The following IMMP2L variants were observed in gnomAD, a reference collection of about 807,000 sequenced individuals.
IMMP2L encodes the protein inner mitochondrial membrane peptidase subunit 2.
IMMP2L carries 18 observed loss-of-function variants against 19.3 expected under a neutral mutation model. The ratio of observed to expected loss-of-function variants is 0.93; its 90% CI spans 0.64 to 1.38. The LOEUF (loss-of-function observed/expected upper bound fraction) is 1.38, where lower values mean the gene tolerates loss of function less well. IMMP2L is among the 40% of genes most tolerant of loss of function. The pLI is 0.00. For synonymous variants in IMMP2L, 76 were observed against 73.0 expected (o/e 1.04, Z -0.21); for missense variants, 233 against 218.2 (o/e 1.07, Z -0.43).
chr7:111,418,815 T>C (rs1470945863), intron 3 of IMMP2L, among the ~76,000 whole-genome samples: 1 of 151,846 alleles, frequency 6.6e-6, no homozygotes, highest in Non-Finnish European at 1.5e-5. Context: ...AACCACCTTT[T>C]TGTACTATGA....
intron 3 of IMMP2L, among the ~76,000 whole-genome samples, chr7:111,190,160 A>T (rs1808715796): frequency 6.6e-6 from 1 of 152,116 alleles, no homozygotes; most frequent in Non-Finnish European, 1.5e-5. Context: ...ATCACTGATC[A>T]CTGAGCTAGT....
rs1472194887 is a variant in IMMP2L at position 111,290,857 on chromosome 7, C to CACACACACACAT, written c.239+196380_239+196381insATGTGTGTGTGT. On this transcript the variant is annotated intron_variant, in intron 3 of 5. Transcript: ENST00000405709. ...ACACACACACACACACACACACACA[C>CACACACACACAT]ATATATATATATCTAATTTTCTATC... Among the ~76,000 whole-genome samples, 408 of 148,636 alleles carry CACACACACACAT rather than the reference C, an allele frequency of 2.7e-3. 3 individuals carry two copies. The highest frequency in any genetic ancestry group is 9.9e-3 in the African/African-American group (396 of 40,102).
intron 3 of IMMP2L, among the ~76,000 whole-genome samples, chr7:111,408,950 C>A (rs1292527953): frequency 2.0e-5 from 3 of 151,614 alleles, no homozygotes; most frequent in African/African-American, 2.4e-5. Context: ...CCTACATCAG[C>A]ACTTTCTGTC....
intron 5 of IMMP2L, among the ~76,000 whole-genome samples, chr7:110,763,418 G>T (rs530497025): frequency 6.6e-6 from 1 of 151,998 alleles, no homozygotes. Flanking sequence ...AAAGCCCTAC[G>T]GTGGGCAGTG....
intron 3 of IMMP2L, among the ~76,000 whole-genome samples, chr7:111,236,716 C>A (rs139535616): frequency 6.6e-6 from 1 of 152,234 alleles, no homozygotes; most frequent in East Asian, 1.9e-4. Context: ...CCCAGACTCC[C>A]AACTCTGTCT....
chr7:111,194,583 A>T (rs1247170818), intron 3 of IMMP2L, among the ~76,000 whole-genome samples: 1 of 152,166 alleles, frequency 6.6e-6, no homozygotes, highest in African/African-American at 2.4e-5. Flanking sequence ...TACCTGCCAC[A>T]ATCCCCAGTC....
intron 3 of IMMP2L, among the ~76,000 whole-genome samples, chr7:111,310,659 T>C (rs1823413285): frequency 6.6e-6 from 1 of 152,126 alleles, no homozygotes; most frequent in African/African-American, 2.4e-5. Context: ...TTAACTCCAA[T>C]ATGTACTACA....
chr7:111,117,415 C>T (rs1444790562), intron 3 of IMMP2L, among the ~76,000 whole-genome samples: 1 of 152,040 alleles, frequency 6.6e-6, no homozygotes, highest in Admixed American at 6.6e-5. Context: ...GTAAACCTGG[C>T]CCATGTTTCT....
chr7:111,360,589 A>G (rs945733404), intron 3 of IMMP2L, among the ~76,000 whole-genome samples: 33 of 152,106 alleles, frequency 2.2e-4, no homozygotes, highest in African/African-American at 7.5e-4. Flanking sequence ...AAGCTGAGGT[A>G]GAAGGATTGC....
At chr7:111,374,941 A>G (rs1830552424) in intron 3 of IMMP2L, among the ~76,000 whole-genome samples, 1 of 152,138 alleles carries the variant, frequency 6.6e-6, no homozygotes, top group Non-Finnish European at 1.5e-5. Flanking sequence ...AAATTTAAGC[A>G]TCAAATATGA....
intron 3 of IMMP2L, among the ~76,000 whole-genome samples, chr7:111,101,248 C>A (rs1797937256): frequency 6.6e-6 from 1 of 151,438 alleles, no homozygotes; most frequent in Non-Finnish European, 1.5e-5. Context: ...GACATTTCAT[C>A]TCATGGTCAT....
At chr7:111,171,466 A>G (rs2129609147) in intron 3 of IMMP2L, among the ~76,000 whole-genome samples, 1 of 151,768 alleles carries the variant, frequency 6.6e-6, no homozygotes, top group African/African-American at 2.4e-5. Flanking sequence ...AGAGAGAAAG[A>G]AGCATTAGGG....
chr7:111,485,291 T>A (rs1371451426), intron 3 of IMMP2L, among the ~76,000 whole-genome samples: 1 of 152,086 alleles, frequency 6.6e-6, no homozygotes, highest in Non-Finnish European at 1.5e-5. Flanking sequence ...ATATAGCACA[T>A]AACTGAGTCA....
intron 3 of IMMP2L, among the ~76,000 whole-genome samples, chr7:111,339,726 A>G (rs1455335058): frequency 1.3e-5 from 2 of 152,032 alleles, no homozygotes; most frequent in African/African-American, 4.8e-5. Flanking sequence ...TCTCATTCAA[A>G]GACTTCAACT....
At chr7:111,252,854 A>C (rs1222371318) in intron 3 of IMMP2L, among the ~76,000 whole-genome samples, 1 of 152,174 alleles carries the variant, frequency 6.6e-6, no homozygotes, top group Non-Finnish European at 1.5e-5. Flanking sequence ...AGTTTTACTC[A>C]ACATTACATT....
chr7:111,415,274 A>G (rs1319335178), intron 3 of IMMP2L, among the ~76,000 whole-genome samples: 1 of 151,688 alleles, frequency 6.6e-6, no homozygotes, highest in Non-Finnish European at 1.5e-5. Flanking sequence ...CAGTCACACA[A>G]TCCCCAAAAA....
chr7:110,815,710 G>C (rs552145191), intron 5 of IMMP2L, among the ~76,000 whole-genome samples: 185 of 152,036 alleles, frequency 1.2e-3, no homozygotes, highest in African/African-American at 4.1e-3. Flanking sequence ...TGTATGTGTC[G>C]AGGAATTTAT....
At chr7:111,274,585 G>T (rs1205860595) in intron 3 of IMMP2L, among the ~76,000 whole-genome samples, 1 of 152,130 alleles carries the variant, frequency 6.6e-6, no homozygotes, top group Admixed American at 6.5e-5. Context: ...TTGTCCCTTA[G>T]AGGACTGTTG....
intron 3 of IMMP2L, among the ~76,000 whole-genome samples, chr7:111,032,794 C>T (rs1179602790): frequency 6.6e-6 from 1 of 151,820 alleles, no homozygotes; most frequent in East Asian, 1.9e-4. Flanking sequence ...TGCATTCAAG[C>T]CTGGGTGACA....
Sources: gnomAD v4.1 joint callset for allele counts (sites outside exome capture counted in the v4.1 genomes callset) on GRCh38, gnomAD v4.1.1 for gene constraint, MANE v1.5 for transcripts, NCBI Gene and HGNC (gene_info 2026-07-23, HGNC 2026-07-21) for gene names.